Variants in LYPD1 observed in about 807,000 individuals in gnomAD.
The protein encoded by LYPD1 is ly6/PLAUR domain-containing protein 1.
LYPD1 carries 14 observed loss-of-function variants against 14.2 expected under a neutral mutation model. That is an observed-to-expected ratio of 0.99 (90% CI 0.65 to 1.54). The LOEUF is 1.54. Ranked by LOEUF, LYPD1 falls within the 40% of genes most tolerant of loss-of-function variation. The pLI is 0.00. For synonymous variants in LYPD1, 85 were observed against 70.6 expected, an observed-to-expected ratio of 1.20 and a Z score of -1.02; for missense variants, 165 against 175.7, an observed-to-expected ratio of 0.94 and a Z score of 0.34.
Position 132,645,440 on chromosome 2 carries a change from A to G in LYPD1, c.*605T>C. The stretch of plus-strand genomic sequence containing the variant: ...CCGTTGCTCTTCGCGTCCCGGCGCC[A>G]GTCCTCTGCAAGGAGAACTGAGAAG... On this transcript the variant is annotated 3_prime_UTR_variant, in exon 3 of 3. Coordinates refer to ENST00000397463, the MANE Select transcript of LYPD1 (RefSeq NM_144586.7). 1 of 1,613,662 alleles carries G rather than the reference A, an allele frequency of 6.2e-7. No homozygotes were observed. The highest frequency in any genetic ancestry group is 1.3e-5 in the African/African-American group (1 of 75,018).
intron 2 of LYPD1, among the ~76,000 whole-genome samples, chr2:132,661,314 G>C (rs937083396): frequency 6.6e-6 from 1 of 152,232 alleles, no homozygotes; most frequent in African/African-American, 2.4e-5. Flanking sequence ...GCACCAAGCA[G>C]ATGTTTGATG....
chr2:132,653,598 A>T (rs1444277044), intron 2 of LYPD1, among the ~76,000 whole-genome samples: 1 of 152,148 alleles, frequency 6.6e-6, no homozygotes, highest in Non-Finnish European at 1.5e-5. Context: ...CACTGAAATT[A>T]TTGGCCAAAG....
chr2:132,646,274 A>T lies in LYPD1; in HGVS notation c.197T>A (p.Met66Lys), dbSNP rs762874041. The change falls in exon 3 of 3, where the codon ATG becomes AAG. Residue 66 changes from methionine (M) to lysine (K), a missense_variant. By Grantham distance (95) the Met-to-Lys change is moderately conservative (BLOSUM62 -1). Coordinates refer to ENST00000397463, the MANE Select transcript of LYPD1 (RefSeq NM_144586.7). Reference protein sequence around the residue: ...KEVMEQSAGIMYRKSCASSAA... With the variant: ...KEVMEQSAGIKYRKSCASSAA... ...TGATGATGCACAGGACTTGCGGTACATGATCCCTGTAACACAGACCCAAAG... is the reference window on the plus strand; with the variant it reads ...TGATGATGCACAGGACTTGCGGTACTTGATCCCTGTAACACAGACCCAAAG... 1.9e-6 allele frequency: 3 copies of T among 1,542,684 alleles called. No individual in the cohort carries two copies. Among genetic ancestry groups the T allele is most frequent in the Non-Finnish European group, 2.6e-6 (3 of 1,140,824 alleles).
At position 132,668,492 on chromosome 2, in the gene LYPD1, A is replaced by G. The variant is rs1683419691; in HGVS notation, c.98T>C (p.Leu33Pro). 5 of 1,612,146 alleles carry G rather than the reference A, an allele frequency of 3.1e-6. No individual in the cohort carries two copies. The highest frequency in any genetic ancestry group is 4.2e-6 in the Non-Finnish European group (5 of 1,179,182). The change falls in exon 2 of 3, where the codon CTG becomes CCG. Residue 33 changes from leucine (L) to proline (P), a missense_variant. Transcript: ENST00000397463. ...IQCYQCEEFQ[L>P]NNDCSSPEFI... ...CTCGGGGGAGGAGCAGTCGTTGTTCAGCTGGAATTCTTCACACTGGTAGCA... is the reference window on the plus strand; with the variant it reads ...CTCGGGGGAGGAGCAGTCGTTGTTCGGCTGGAATTCTTCACACTGGTAGCA...
At position 132,646,153 on chromosome 2, in the gene LYPD1, A is replaced by G; in HGVS notation, c.318T>C (p.Cys106=). 1 of 1,612,170 alleles carries G rather than the reference A, an allele frequency of 6.2e-7. No homozygotes were observed. The highest frequency in any genetic ancestry group is 8.5e-7 in the Non-Finnish European group (1 of 1,178,868). ...CCCTTTTCTTGGGCCTTGGCCCGTT[A>G]CAAAGAGGGGTGTTGCAGCAGCTGA... ...VCISCCNTPL[C]NGPRPKKRGS... The change falls in exon 3 of 3, where the codon TGT becomes TGC. Residue 106 remains cysteine, a synonymous_variant. Transcript: ENST00000397463.
chr2:132,645,529 G>A lies in LYPD1; in HGVS notation c.*516C>T, dbSNP rs1198490880. Reference sequence around the variant, plus strand: ...GTCTAAGTCCCAGTCATTGAGTCTCGAGTCACTAGAGCCCAACTCAGGCGC... The same window carrying A: ...GTCTAAGTCCCAGTCATTGAGTCTCAAGTCACTAGAGCCCAACTCAGGCGC... On this transcript the variant is annotated 3_prime_UTR_variant, in exon 3 of 3. Coordinates refer to ENST00000397463, the MANE Select transcript of LYPD1 (RefSeq NM_144586.7). The A allele has an allele frequency of 5.0e-5, 80 of 1,614,056 alleles. No homozygotes were observed. Among genetic ancestry groups the A allele is most frequent in the Non-Finnish European group, 6.6e-5 (78 of 1,180,032 alleles).
rs758284333 is a variant in LYPD1 at position 132,646,171 on chromosome 2, G to A, written c.300C>T (p.Cys100=). Residue 100 remains cysteine (C), a synonymous_variant, in exon 3 of 3, where the codon TGC becomes TGT. Transcript: ENST00000397463. ...PGKLNSVCIS[C]CNTPLCNGPR... is the part of the protein sequence containing the mutation. ...GCCCGTTACAAAGAGGGGTGTTGCAGCAGCTGATGCAAACTGAGTTCAGTT... is the reference window on the plus strand; with the variant it reads ...GCCCGTTACAAAGAGGGGTGTTGCAACAGCTGATGCAAACTGAGTTCAGTT... 1.2e-6 allele frequency: 2 copies of A among 1,611,098 alleles called. No individual in the cohort carries two copies. Among genetic ancestry groups the A allele is most frequent in the African/African-American group, 1.3e-5 (1 of 74,884 alleles).
intron 2 of LYPD1, among the ~76,000 whole-genome samples, chr2:132,647,706 A>AATT (rs1428505573): frequency 6.6e-6 from 1 of 152,114 alleles, no homozygotes; most frequent in Non-Finnish European, 1.5e-5. Context: ...CTAGACTTAG[A>AATT]ATTAACAGGT....
At chr2:132,662,249 T>TA in intron 2 of LYPD1, among the ~76,000 whole-genome samples, 1 of 152,342 alleles carries the variant, frequency 6.6e-6, no homozygotes, top group South Asian at 2.1e-4. Flanking sequence ...AAGACAGGTT[T>TA]CCATGTCTAG....
intron 2 of LYPD1, among the ~76,000 whole-genome samples, chr2:132,659,303 C>A (rs897776012): frequency 1.3e-5 from 2 of 151,990 alleles, no homozygotes; most frequent in East Asian, 1.9e-4. Flanking sequence ...TGTCTCCATA[C>A]CAGTGAGTGT....
chr2:132,669,859 G>A lies in LYPD1; in HGVS notation c.52+22C>T, dbSNP rs1240432744. The A allele has an allele frequency of 1.2e-6, 2 of 1,611,612 alleles. No individual in the cohort carries two copies. The highest frequency in any genetic ancestry group is 1.1e-5 in the South Asian group (1 of 90,836). On this transcript the variant is annotated intron_variant, in intron 1 of 2. Transcript: ENST00000397463. The surrounding 1 kb of genome is among the most constrained non-coding windows in gnomAD (Gnocchi z 4.3). Reference sequence around the variant, plus strand: ...GGATTGTGCGCACCTGGCCTCGGCTGCTGGCCTCTGGGTATTCTCACCTGG... The same window carrying A: ...GGATTGTGCGCACCTGGCCTCGGCTACTGGCCTCTGGGTATTCTCACCTGG...
chr2:132,644,793 C>CACAA lies in LYPD1; in HGVS notation c.*1251_*1252insTTGT, dbSNP rs1681961873. 3.1e-6 allele frequency: 1 copy of CACAA among 322,672 alleles called. No homozygotes were observed. The highest frequency in any genetic ancestry group is 2.2e-5 in the African/African-American group (1 of 45,844). The allele number at this position is 322,672 out of a possible 1,614,324, so 20.0% of individuals were successfully genotyped here. A position where few individuals can be genotyped will look rare whatever the true frequency, so the allele number is the denominator to read the frequency against. On this transcript the variant is annotated 3_prime_UTR_variant, in exon 3 of 3. Transcript: ENST00000397463. ...GATAACATGAACTGCTTTCTGGATA[C>CACAA]GCAAACAAACACCAATGAAAACATT...
At chr2:132,664,129 T>C (rs1415563165) in intron 2 of LYPD1, among the ~76,000 whole-genome samples, 3 of 152,046 alleles carry the variant, frequency 2.0e-5, no homozygotes, top group Non-Finnish European at 1.5e-5. Flanking sequence ...ATAAAGGGAC[T>C]ATGACAGGAA....
upstream of LYPD1, chr2:132,670,260 C>A: frequency 2.0e-6 from 1 of 491,846 alleles, no homozygotes; most frequent in Non-Finnish European, 3.1e-6. This position sits in a 1 kb window ranked among gnomAD's most constrained non-coding sequence, Gnocchi z 4.5. Context: ...CCCCACCTCC[C>A]ACTCCAGGCA....
chr2:132,648,500 G>A (rs1432081817), intron 2 of LYPD1, among the ~76,000 whole-genome samples: 3 of 150,750 alleles, frequency 2.0e-5, no homozygotes, highest in African/African-American at 7.4e-5. Context: ...CATCCTATAC[G>A]CTATTCTGCA....
Position 132,645,608 on chromosome 2 carries a change from T to C in LYPD1, c.*437A>G, listed in dbSNP as rs1424138464. ...GGTTTTCAGGAGCATGAAGTTTGAA[T>C]GTCAAGCGAGGGAGCCTTGAGTGGG... is the stretch of plus-strand genomic sequence containing the variant. On this transcript the variant is annotated 3_prime_UTR_variant, in exon 3 of 3. Transcript: ENST00000397463. 5.0e-6 allele frequency: 8 copies of C among 1,607,940 alleles called. No individual in the cohort carries two copies. Among genetic ancestry groups the C allele is most frequent in the Non-Finnish European group, 6.8e-6 (8 of 1,176,956 alleles).
At chr2:132,648,056 G>T (rs1283860569) in intron 2 of LYPD1, among the ~76,000 whole-genome samples, 4 of 152,208 alleles carry the variant, frequency 2.6e-5, no homozygotes, top group African/African-American at 4.8e-5. Context: ...TCGAGGTACA[G>T]AGGATGCCTG....
chr2:132,664,416 C>G (rs1683152571), intron 2 of LYPD1, among the ~76,000 whole-genome samples: 1 of 152,128 alleles, frequency 6.6e-6, no homozygotes, highest in Non-Finnish European at 1.5e-5. Flanking sequence ...CCATCCCTGC[C>G]CAACTTAATG....
chr2:132,668,168 A>G (rs1683389198), intron 2 of LYPD1, among the ~76,000 whole-genome samples: 1 of 152,058 alleles, frequency 6.6e-6, no homozygotes, highest in South Asian at 2.1e-4. Context: ...CCACTAATTT[A>G]CATGCACTTC....
Sources: allele counts gnomAD v4.1 joint callset (sites outside exome capture counted in the v4.1 genomes callset), GRCh38; gene constraint gnomAD v4.1.1; non-coding constraint Gnocchi (gnomAD v3.1); transcripts MANE v1.5; gene names NCBI Gene and HGNC (gene_info 2026-07-23, HGNC 2026-07-21).